The following GRIA3 variants were observed in gnomAD, a reference collection of about 807,000 sequenced individuals.
GRIA3 encodes the protein glutamate receptor 3.
Under a neutral mutation model 63.0 loss-of-function variants are expected in GRIA3, and 3 were observed. That is an observed-to-expected ratio of 0.05 (90% CI 0.02 to 0.12). The LOEUF (loss-of-function observed/expected upper bound fraction) is 0.12, where lower values mean the gene tolerates loss of function less well. Among genes scored for constraint, GRIA3 ranks in the 10% least tolerant of loss-of-function variants. GRIA3 has a pLI of 1.00. For missense variants in GRIA3, 347 were observed against 700.9 expected, an observed-to-expected ratio of 0.50 and a Z score of 5.70; for synonymous variants, 274 against 257.9, an observed-to-expected ratio of 1.06 and a Z score of -0.60.
intron 4 of GRIA3, among the ~76,000 whole-genome samples, chrX:123,345,734 A>T: frequency 9.2e-6 from 1 of 109,025 alleles, no homozygotes; most frequent in Admixed American, 9.9e-5. Flanking sequence ...TGGCCCCAAT[A>T]CTCCTCTGCA....
intron 12 of GRIA3, among the ~76,000 whole-genome samples, chrX:123,432,592 T>C (rs1057024779): frequency 9.0e-6 from 1 of 111,501 alleles, no homozygotes; most frequent in African/African-American, 3.3e-5. Flanking sequence ...TGGTATTTGG[T>C]TTAGTTTGTT....
intron 12 of GRIA3, among the ~76,000 whole-genome samples, chrX:123,444,681 G>A (rs1273886683): frequency 1.8e-5 from 2 of 110,825 alleles, no homozygotes; most frequent in African/African-American, 6.6e-5. Context: ...CTTTACCAGC[G>A]AGAGTTAGTG....
chrX:123,409,104 C>T (rs759316579), intron 10 of GRIA3, among the ~76,000 whole-genome samples: 2 of 111,818 alleles, frequency 1.8e-5, no homozygotes, highest in South Asian at 3.8e-4. Context: ...GCAGAAAACC[C>T]CTAATGATTT....
intron 2 of GRIA3, among the ~76,000 whole-genome samples, chrX:123,193,864 T>C (rs1173607572): frequency 9.0e-6 from 1 of 111,212 alleles, no homozygotes; most frequent in African/African-American, 3.3e-5. Flanking sequence ...AGAGGGGGCT[T>C]TCCAAGACAG....
chrX:123,363,930 A>G (rs1209864006), intron 5 of GRIA3, among the ~76,000 whole-genome samples: 1 of 111,890 alleles, frequency 8.9e-6, no homozygotes, highest in Non-Finnish European at 1.9e-5. Context: ...CACCCTATCT[A>G]TGAGCAGTAG....
At chrX:123,192,707 A>G (rs1007812983) in intron 2 of GRIA3, among the ~76,000 whole-genome samples, 1 of 111,674 alleles carries the variant, frequency 9.0e-6, no homozygotes, top group Admixed American at 9.5e-5. Context: ...CCTTATTTGG[A>G]GGGTGCAGGG....
chrX:123,317,393 A>T (rs1233738776), intron 3 of GRIA3, among the ~76,000 whole-genome samples: 1 of 111,716 alleles, frequency 9.0e-6, no homozygotes, highest in Non-Finnish European at 1.9e-5. Context: ...AAAAGTCCAC[A>T]GTCCAAAGTC....
intron 2 of GRIA3, among the ~76,000 whole-genome samples, chrX:123,237,762 C>T (rs752038475): frequency 7.1e-5 from 8 of 112,195 alleles, no homozygotes; most frequent in African/African-American, 2.6e-4. Flanking sequence ...CTTATTCCGT[C>T]TGCAGATGAA....
chrX:123,184,318 A>AAG lies in GRIA3; in HGVS notation c.-209_-208dup. 2.3e-6 allele frequency: 1 copy of AAG among 427,211 alleles called. No homozygotes were observed. The highest frequency in any genetic ancestry group is 3.9e-5 in the Admixed American group (1 of 25,890). 35.2% of individuals were successfully genotyped at this position (427,211 alleles called of 1,213,427 possible). A position where few individuals can be genotyped will look rare whatever the true frequency, so the allele number is the denominator to read the frequency against. The stretch of plus-strand genomic sequence containing the variant: ...AGCGAGCGAGAGAGAGCGAGCGAAT[A>AAG]AGAGAGAGAGTAAGAGGGAGAGAGA... On this transcript the variant is annotated 5_prime_UTR_variant, in exon 1 of 16. Coordinates refer to ENST00000620443, the MANE Select transcript of GRIA3 (RefSeq NM_007325.5).
At chrX:123,393,822 A>G (rs2045398682) in intron 5 of GRIA3, among the ~76,000 whole-genome samples, 1 of 112,272 alleles carries the variant, frequency 8.9e-6, no homozygotes, top group Admixed American at 9.4e-5. Flanking sequence ...CTGTTTATGA[A>G]TAGAAATGAT....
chrX:123,416,493 T>C (rs1569433137), intron 10 of GRIA3, among the ~76,000 whole-genome samples: 2 of 112,354 alleles, frequency 1.8e-5, no homozygotes, highest in Non-Finnish European at 3.8e-5. Context: ...AAAGGAACAA[T>C]TACAGAAAAC....
At chrX:123,441,807 G>A (rs866636932) in intron 12 of GRIA3, among the ~76,000 whole-genome samples, 4 of 84,972 alleles carry the variant, frequency 4.7e-5, no homozygotes, top group African/African-American at 1.4e-4. Flanking sequence ...GTTTGTATTC[G>A]CCACCTTCCT....
At chrX:123,417,376 G>GTTTTCTTTT in intron 10 of GRIA3, 26 bp from the exon 11 acceptor site, 2 of 1,168,261 alleles carry the variant, frequency 1.7e-6, no homozygotes, top group Non-Finnish European at 2.3e-6. Context: ...AGTCATATAT[G>GTTTTCTTTT]TTTTCTTTTT....
At position 123,490,846 on chromosome X, in the gene GRIA3, A is replaced by G. The variant is rs371130478; in HGVS notation, c.*2136A>G. The G allele has an allele frequency of 2.7e-5, 3 of 112,768 alleles. No homozygotes were observed. The highest frequency in any genetic ancestry group is 5.6e-4 in the East Asian group (2 of 3,596). The allele number at this position is 112,768 out of a possible 1,213,427, so 9.3% of individuals were successfully genotyped here. On this transcript the variant is annotated 3_prime_UTR_variant, in exon 16 of 16. Transcript: ENST00000620443. Reference sequence around the variant, plus strand: ...ATTTGCATGTGTGGGCATAAACTACAGAGCCTCATTGCCATGAGGTATTGT... The same window carrying G: ...ATTTGCATGTGTGGGCATAAACTACGGAGCCTCATTGCCATGAGGTATTGT...
chrX:123,392,516 C>A (rs1406599429), intron 5 of GRIA3, among the ~76,000 whole-genome samples: 2 of 111,405 alleles, frequency 1.8e-5, no homozygotes, highest in Non-Finnish European at 3.8e-5. Flanking sequence ...CTCTAGGCAA[C>A]TCCTTCAAAG....
chrX:123,330,167 T>C (rs1232813825), intron 4 of GRIA3, among the ~76,000 whole-genome samples: 1 of 112,393 alleles, frequency 8.9e-6, no homozygotes, highest in Non-Finnish European at 1.9e-5. Flanking sequence ...AGTGTTTATA[T>C]AGTGCTTTGA....
At chrX:123,454,516 A>G (rs1343246113) in intron 12 of GRIA3, among the ~76,000 whole-genome samples, 1 of 111,104 alleles carries the variant, frequency 9.0e-6, no homozygotes, top group Admixed American at 9.6e-5. Context: ...TCTCAACCTT[A>G]GCACCGTTGA....
At chrX:123,258,212 T>C (rs781544000) in intron 3 of GRIA3, among the ~76,000 whole-genome samples, 1 of 112,359 alleles carries the variant, frequency 8.9e-6, no homozygotes, top group Non-Finnish European at 1.9e-5. Context: ...CTGTCCTGCA[T>C]TTTCTTCCCA....
intron 15 of GRIA3, among the ~76,000 whole-genome samples, chrX:123,485,127 T>C (rs2045934224): frequency 8.9e-6 from 1 of 112,790 alleles, no homozygotes; most frequent in South Asian, 3.6e-4. Context: ...TATGTTTTTA[T>C]AGGATAATAT....
Sources: allele counts gnomAD v4.1 joint callset (sites outside exome capture counted in the v4.1 genomes callset), GRCh38; gene constraint gnomAD v4.1.1; transcripts MANE v1.5; gene names NCBI Gene and HGNC (gene_info 2026-07-23, HGNC 2026-07-21).